The following PPM1H variants were observed in gnomAD, a reference collection of about 807,000 sequenced individuals.
PPM1H encodes the protein protein phosphatase, Mg2+/Mn2+ dependent 1H.
In PPM1H, 27 loss-of-function variants were observed where a neutral mutation model predicts 54.9. The ratio of observed to expected loss-of-function variants is 0.49; its 90% CI spans 0.36 to 0.68. The LOEUF (loss-of-function observed/expected upper bound fraction) is 0.68. PPM1H is among the 30% of genes least tolerant of loss of function. The pLI is 0.00. For missense variants in PPM1H, 596 were observed against 667.8 expected (o/e 0.89, Z 1.19); for synonymous variants, 305 against 270.8 (o/e 1.13, Z -1.24).
chr12:62,912,490 CAGG>C (rs988925202), intron 1 of PPM1H, among the ~76,000 whole-genome samples: 1 of 152,018 alleles, frequency 6.6e-6, no homozygotes, highest in Non-Finnish European at 1.5e-5. Context: ...GCAGTGTGCC[CAGG>C]AGGAGGAGAC....
intron 5 of PPM1H, among the ~76,000 whole-genome samples, chr12:62,725,468 C>T (rs905249400): frequency 2.0e-5 from 3 of 152,204 alleles, no homozygotes; most frequent in African/African-American, 7.2e-5. Context: ...TCTGAACAAA[C>T]AGCCTTGCTA....
chr12:62,685,020 T>C (rs907143344), intron 8 of PPM1H, among the ~76,000 whole-genome samples: 1 of 151,584 alleles, frequency 6.6e-6, no homozygotes, highest in Admixed American at 6.6e-5. Context: ...TTCCACCCCC[T>C]CCCCCCGCCA....
chr12:62,757,131 CA>C (rs981182126), intron 4 of PPM1H, among the ~76,000 whole-genome samples: 2 of 152,104 alleles, frequency 1.3e-5, no homozygotes, highest in African/African-American at 4.8e-5. Context: ...TGAGAAGCCT[CA>C]GTGGGTTGGC....
Position 62,691,352 on chromosome 12 carries a change from G to A in PPM1H, c.1138-1546C>T, listed in dbSNP as rs551286622. ...GTAATTACCTCCTATGAGTGGGGAT[G>A]AAGTAAATAAATGCTAAGAAACACT... is the stretch of plus-strand genomic sequence containing the variant. On this transcript the variant is annotated intron_variant, in intron 7 of 9. Transcript: ENST00000228705. Among the ~76,000 whole-genome samples, 3 of 152,324 alleles carry A rather than the reference G, an allele frequency of 2.0e-5. No homozygotes were observed. In the East Asian group the frequency reaches 5.8e-4, roughly 29 times the overall value.
At chr12:62,670,003 G>A (rs2075947087) in intron 8 of PPM1H, among the ~76,000 whole-genome samples, 1 of 95,176 alleles carries the variant, frequency 1.1e-5, no homozygotes, top group Non-Finnish European at 1.9e-5. Context: ...TTGAGACGGA[G>A]TTTTGCTCTT....
chr12:62,834,854 T>A (rs899178320), intron 1 of PPM1H, among the ~76,000 whole-genome samples: 1 of 152,148 alleles, frequency 6.6e-6, no homozygotes, highest in Non-Finnish European at 1.5e-5. Flanking sequence ...GGTGGTGACT[T>A]CCCAAGCAAC....
intron 1 of PPM1H, among the ~76,000 whole-genome samples, chr12:62,914,390 G>GTATT (rs1422378092): frequency 6.6e-6 from 1 of 152,160 alleles, no homozygotes; most frequent in Non-Finnish European, 1.5e-5. Context: ...CTAGCCTTTG[G>GTATT]TATTCCTTTA....
At chr12:62,730,592 A>C (rs1014348694) in intron 5 of PPM1H, among the ~76,000 whole-genome samples, 25 of 152,260 alleles carry the variant, frequency 1.6e-4, no homozygotes, top group Admixed American at 1.3e-4. Flanking sequence ...TTAAATGTTC[A>C]GACCTCACAG....
At chr12:62,748,346 C>T (rs1043362140) in intron 4 of PPM1H, among the ~76,000 whole-genome samples, 1 of 152,172 alleles carries the variant, frequency 6.6e-6, no homozygotes, top group Non-Finnish European at 1.5e-5. Flanking sequence ...CTTTGTTATA[C>T]CTTGGTTTCT....
chr12:62,770,329 G>A (rs1229261772), intron 4 of PPM1H, among the ~76,000 whole-genome samples: 2 of 152,050 alleles, frequency 1.3e-5, no homozygotes, highest in African/African-American at 2.4e-5. Flanking sequence ...TCCCTGATAA[G>A]GAAGGCACAG....
rs973576579 is a variant in PPM1H, at chr12:62,831,894, T to C, written c.411+220A>G. ...ATACATATGGTGTGGGTGTTTCATT[T>C]ACTTTGTGTTAAAAACCTAACCACA... On this transcript the variant is annotated intron_variant, in intron 2 of 9. Coordinates refer to ENST00000228705, the MANE Select transcript of PPM1H (RefSeq NM_020700.2). 3.2e-4 allele frequency among the ~76,000 whole-genome samples: 49 copies of C among 151,980 alleles called. 1 individual carries two copies. Among genetic ancestry groups the C allele is most frequent in the African/African-American group, 1.2e-3 (48 of 41,378 alleles).
At chr12:62,867,262 G>A (rs1869808583) in intron 1 of PPM1H, among the ~76,000 whole-genome samples, 1 of 152,062 alleles carries the variant, frequency 6.6e-6, no homozygotes, top group South Asian at 2.1e-4. Flanking sequence ...TTATCTCCAT[G>A]GTCCTCACTT....
At chr12:62,883,167 T>C (rs1044629751) in intron 1 of PPM1H, among the ~76,000 whole-genome samples, 11 of 152,330 alleles carry the variant, frequency 7.2e-5, no homozygotes, top group Middle Eastern at 3.4e-3. Context: ...TCCTCCATCC[T>C]GCTCACTTCT....
intron 1 of PPM1H, among the ~76,000 whole-genome samples, chr12:62,869,954 C>T (rs2120999841): frequency 6.6e-6 from 1 of 152,232 alleles, no homozygotes; most frequent in Non-Finnish European, 1.5e-5. Flanking sequence ...CCTTCCCAAT[C>T]CTTCATCGAG....
At chr12:62,658,533 T>G (rs577368448) in intron 9 of PPM1H, among the ~76,000 whole-genome samples, 13 of 152,130 alleles carry the variant, frequency 8.5e-5, no homozygotes, top group Non-Finnish European at 1.8e-4. Context: ...TGCAGATATT[T>G]TGCATCAGAA....
In PPM1H at chr12:62,673,715, CTTTTTTTTTTTT is replaced by C. The variant is rs567775927; in HGVS notation, c.1246-6398_1246-6387del. Among the ~76,000 whole-genome samples the C allele has an allele frequency of 5.5e-4, 23 of 41,968 alleles. 1 individual carries two copies. In the South Asian group the frequency reaches 0.028, roughly 50 times the overall value. The allele number at this position is 41,968 out of a possible 152,430, so 27.5% of individuals were successfully genotyped here. On this transcript the variant is annotated intron_variant, in intron 8 of 9. Coordinates refer to ENST00000228705, the MANE Select transcript of PPM1H (RefSeq NM_020700.2). ...GCTTTGTGACTTGAGAAGAGCCACT[CTTTTTTTTTTTT>C]TTTTTTTTTTTTTTTTGAGACAGGG...
chr12:62,907,560 C>T (rs1009303847), intron 1 of PPM1H, among the ~76,000 whole-genome samples: 4 of 152,192 alleles, frequency 2.6e-5, no homozygotes, highest in Admixed American at 2.0e-4. Context: ...AACCTCAACT[C>T]TGAAACTCAG....
At chr12:62,768,530 C>T (rs1431044082) in intron 4 of PPM1H, among the ~76,000 whole-genome samples, 5 of 152,090 alleles carry the variant, frequency 3.3e-5, no homozygotes, top group African/African-American at 4.8e-5. Context: ...TGGCGGGCGC[C>T]TGTAATCCCA....
intron 9 of PPM1H, among the ~76,000 whole-genome samples, chr12:62,656,416 A>C (rs79300173): frequency 0.062 from 9,370 of 152,264 alleles, 364 homozygotes; most frequent in African/African-American, 0.08. Flanking sequence ...TCCTTATTAG[A>C]TATTAAATGC....
Sources: gnomAD v4.1 joint callset for allele counts (sites outside exome capture counted in the v4.1 genomes callset) on GRCh38, gnomAD v4.1.1 for gene constraint, MANE v1.5 for transcripts, NCBI Gene and HGNC (gene_info 2026-07-23, HGNC 2026-07-21) for gene names.